RNF216: variants seen among roughly 807,000 people sequenced by gnomAD.
The protein encoded by RNF216 is E3 ubiquitin-protein ligase RNF216.
A neutral mutation model predicts 110.8 loss-of-function variants in RNF216; 72 were observed. The ratio of observed to expected loss-of-function variants is 0.65; its 90% CI spans 0.54 to 0.79. The LOEUF (loss-of-function observed/expected upper bound fraction) is 0.79, where lower values mean the gene tolerates loss of function less well. Ranked by LOEUF, RNF216 falls within the 30% of genes least tolerant of loss-of-function variation. The pLI is 0.00. For synonymous variants in RNF216, 495 were observed against 407.5 expected (o/e 1.21, Z -2.59); for missense variants, 1,342 against 1,141.2 (o/e 1.18, Z -2.54).
Position 5,622,886 on chromosome 7 carries a change from C to G in RNF216, c.2746G>C (p.Gly916Arg), listed in dbSNP as rs138117808. 4.0e-5 allele frequency: 65 copies of G among 1,606,266 alleles called. No individual in the cohort carries two copies. The highest frequency in any genetic ancestry group is 5.5e-5 in the Non-Finnish European group (64 of 1,174,254). Residue 916 changes from glycine (G) to arginine (R), a missense_variant, in exon 17 of 17, where the codon GGC becomes CGC. Gly to Arg is a moderately radical substitution (Grantham distance 125, BLOSUM62 -2). Transcript: ENST00000389902. ...PLEHNLPMHF[G>R]PQPRHRF ...CAGAAGCGATGCCGCGGCTGGGGGC[C>G]AAAGTGCATGGGCAGGTTGTGCTCC...
At chr7:5,649,947 C>T (rs1479172553) in intron 14 of RNF216, 6 of 152,184 alleles carry the variant, frequency 3.9e-5, no homozygotes, top group African/African-American at 7.2e-5. Context: ...TTGATTATGT[C>T]GTTCAATAGG....
At chr7:5,715,739 T>A (rs1432198572) in intron 10 of RNF216, among the ~76,000 whole-genome samples, 1 of 8,770 alleles carries the variant, frequency 1.1e-4, no homozygotes, top group African/African-American at 1.4e-4. Context: ...ACTCATTCTT[T>A]TTTTTTTTTT....
At chr7:5,760,309 G>C (rs1795864750) in intron 2 of RNF216, 1 of 176,854 alleles carries the variant, frequency 5.7e-6, no homozygotes, top group Admixed American at 5.9e-5. Flanking sequence ...CTGAGGTGGA[G>C]AGATCAAGAC....
At chr7:5,632,072 C>T (rs1237278245) in intron 15 of RNF216, among the ~76,000 whole-genome samples, 3 of 152,190 alleles carry the variant, frequency 2.0e-5, no homozygotes, top group Non-Finnish European at 4.4e-5. Flanking sequence ...CAAGGATGGC[C>T]GGCAGTTCTC....
chr7:5,644,344 T>G (rs1223591301), intron 14 of RNF216, among the ~76,000 whole-genome samples: 1 of 152,204 alleles, frequency 6.6e-6, no homozygotes, highest in Non-Finnish European at 1.5e-5. Context: ...CAAGACTTGT[T>G]ATTTTCCATC....
At chr7:5,743,586 C>T (rs1794882941) in intron 3 of RNF216, among the ~76,000 whole-genome samples, 1 of 152,112 alleles carries the variant, frequency 6.6e-6, no homozygotes, top group Non-Finnish European at 1.5e-5. Flanking sequence ...CAGAATGATT[C>T]CATTTACTTA....
intron 13 of RNF216, among the ~76,000 whole-genome samples, chr7:5,677,730 G>C (rs1208727654): frequency 6.6e-6 from 1 of 152,234 alleles, no homozygotes; most frequent in Non-Finnish European, 1.5e-5. Context: ...CCTGTGCAGA[G>C]TCCTGGGAGT....
intron 13 of RNF216, among the ~76,000 whole-genome samples, chr7:5,666,254 G>A (rs1224382973): frequency 1.3e-5 from 2 of 151,978 alleles, no homozygotes; most frequent in Non-Finnish European, 1.5e-5. Context: ...CACACATTAA[G>A]TGTAATATAC....
At chr7:5,679,678 G>A (rs1790527799) in intron 13 of RNF216, among the ~76,000 whole-genome samples, 1 of 152,202 alleles carries the variant, frequency 6.6e-6, no homozygotes. Flanking sequence ...CCCTGTCATG[G>A]AATCTCCCAT....
rs775528039 is a variant in RNF216, at chr7:5,641,361, A to G, written c.2175T>C (p.Thr725=). The change falls in exon 15 of 17, where the codon ACT becomes ACC. Residue 725 remains threonine (T), a synonymous_variant. Transcript: ENST00000389902. The part of the protein sequence containing the change: ...KYRTSIEEKM[T]AARIRKCHKC... The stretch of plus-strand genomic sequence containing the variant: ...TGTGGCATTTTCTAATGCGGGCAGC[A>G]GTCATTTTTTCTTCACTGAAATAAG... 6.2e-7 allele frequency: 1 copy of G among 1,613,074 alleles called. No homozygotes were observed. The highest frequency in any genetic ancestry group is 1.1e-5 in the South Asian group (1 of 90,900).
At chr7:5,684,462 G>A (rs966830398) in intron 13 of RNF216, among the ~76,000 whole-genome samples, 3 of 152,140 alleles carry the variant, frequency 2.0e-5, no homozygotes, top group East Asian at 1.9e-4. Flanking sequence ...CTGATCTTTA[G>A]GCTCCTCTTG....
At chr7:5,777,998 C>A (rs1339341500) in intron 1 of RNF216, among the ~76,000 whole-genome samples, 5 of 152,206 alleles carry the variant, frequency 3.3e-5, no homozygotes, top group Non-Finnish European at 7.3e-5. Context: ...AGAACTGAAT[C>A]TTCTGTGACC....
At chr7:5,623,997 C>G in intron 16 of RNF216, 59 bp downstream of exon 16, 1 of 1,467,574 alleles carries the variant, frequency 6.8e-7, no homozygotes, top group Non-Finnish European at 9.5e-7. Flanking sequence ...GGGAGGCCAG[C>G]AGAAGCCTGC....
rs183363202 is a variant in RNF216, at chr7:5,772,627, A to G, written c.-70+8914T>C. ...TCGGGGCTTCTCATTAAATGTCTAC[A>G]AAGAGTTAATAGTCAAATAATATCA... On this transcript the variant is annotated intron_variant, in intron 1 of 16. Coordinates refer to ENST00000389902, the MANE Select transcript of RNF216 (RefSeq NM_207111.4). Among the ~76,000 whole-genome samples, 854 of 152,314 alleles carry G rather than the reference A, an allele frequency of 5.6e-3. 5 individuals carry two copies. Among genetic ancestry groups the G allele is most frequent in the Non-Finnish European group, 8.6e-3 (588 of 68,028 alleles).
At chr7:5,673,900 G>A (rs1018875067) in intron 13 of RNF216, among the ~76,000 whole-genome samples, 4 of 134,668 alleles carry the variant, frequency 3.0e-5, no homozygotes, top group Non-Finnish European at 4.6e-5. Flanking sequence ...TTGCTCTATC[G>A]CCCAGGCTGG....
chr7:5,712,631 A>G, intron 12 of RNF216, 84 bp downstream of exon 12: 2 of 1,355,280 alleles, frequency 1.5e-6, no homozygotes, highest in South Asian at 2.5e-5. Flanking sequence ...GATAAACACA[A>G]TTTTCATCAT....
At chr7:5,649,602 C>T (rs904671789) in intron 14 of RNF216, 11 of 151,798 alleles carry the variant, frequency 7.2e-5, no homozygotes, top group African/African-American at 2.7e-4. Context: ...AGTTGAAGCC[C>T]GTGGAGCACC....
At chr7:5,710,710 C>T (rs1355201750) in intron 13 of RNF216, among the ~76,000 whole-genome samples, 1 of 152,182 alleles carries the variant, frequency 6.6e-6, no homozygotes, top group Non-Finnish European at 1.5e-5. Flanking sequence ...ACTCCCGGGG[C>T]CTAGAACATT....
intron 4 of RNF216, among the ~76,000 whole-genome samples, chr7:5,740,053 T>C (rs984363789): frequency 3.4e-5 from 5 of 146,594 alleles, no homozygotes; most frequent in African/African-American, 1.3e-4. Context: ...CTGGGTAAAG[T>C]AGGGTTAACG....
Sources: gnomAD v4.1 joint callset for allele counts (sites outside exome capture counted in the v4.1 genomes callset) on GRCh38, gnomAD v4.1.1 for gene constraint, MANE v1.5 for transcripts, NCBI Gene and HGNC (gene_info 2026-07-23, HGNC 2026-07-21) for gene names.